THSD7A: variants seen among roughly 807,000 people sequenced by gnomAD.
The protein encoded by THSD7A is thrombospondin type 1 domain containing 7A, also known as thrombospondin type-1 domain-containing protein 7A.
THSD7A carries 96 observed loss-of-function variants against 231.3 expected under a neutral mutation model. The observed-to-expected ratio is 0.41, with a 90% CI of 0.35 to 0.49. THSD7A has a LOEUF of 0.49. Among genes scored for constraint, THSD7A ranks in the 20% least tolerant of loss-of-function variants. The probability of loss-of-function intolerance (pLI) is 0.05; values close to 1 mark genes in which losing one functional copy is unlikely to be tolerated. For missense variants in THSD7A, 2,290 were observed against 2,070.2 expected (o/e 1.11, Z -2.06); for synonymous variants, 940 against 743.3 (o/e 1.26, Z -4.30).
At chr7:11,599,090 G>A (rs1195965885) in intron 2 of THSD7A, among the ~76,000 whole-genome samples, 1 of 152,032 alleles carries the variant, frequency 6.6e-6, no homozygotes, top group East Asian at 1.9e-4. Flanking sequence ...CCTTAGTATT[G>A]TCACGCCCTG....
At chr7:11,428,799 CATGT>C (rs1036130644) in intron 14 of THSD7A, 144 bp downstream of exon 14, 6 of 817,000 alleles carry the variant, frequency 7.3e-6, no homozygotes, top group African/African-American at 7.0e-5. Context: ...ATTTTAATAA[CATGT>C]ATGTATTTAT....
chr7:11,647,905 T>A (rs1456624500), intron 1 of THSD7A, among the ~76,000 whole-genome samples: 1 of 152,042 alleles, frequency 6.6e-6, no homozygotes, highest in East Asian at 1.9e-4. Context: ...CAATGGCCAA[T>A]CTGAAGCAAG....
intron 1 of THSD7A, among the ~76,000 whole-genome samples, chr7:11,797,654 A>C (rs6979779): frequency 0.04 from 6,073 of 151,960 alleles, 417 homozygotes; most frequent in African/African-American, 0.14. Context: ...TCTGGCCTTA[A>C]GCAATCCTCC....
chr7:11,712,730 C>T (rs2128149356), intron 1 of THSD7A, among the ~76,000 whole-genome samples: 2 of 151,132 alleles, frequency 1.3e-5, no homozygotes, highest in South Asian at 4.2e-4. Flanking sequence ...AACATCAAAT[C>T]TCACCTTCAA....
chr7:11,587,373 G>A (rs73042287), intron 4 of THSD7A, among the ~76,000 whole-genome samples: 3,565 of 152,236 alleles, frequency 0.023, 59 homozygotes, highest in Non-Finnish European at 0.032. Context: ...TTTCTTCTAC[G>A]GAAATGATAT....
intron 1 of THSD7A, among the ~76,000 whole-genome samples, chr7:11,684,904 A>C (rs1341409821): frequency 6.6e-6 from 1 of 151,906 alleles, no homozygotes; most frequent in Non-Finnish European, 1.5e-5. Flanking sequence ...TAAAAAAGCC[A>C]AAACAACCAA....
intron 13 of THSD7A, among the ~76,000 whole-genome samples, chr7:11,443,863 C>G (rs1311271941): frequency 2.6e-5 from 4 of 151,942 alleles, no homozygotes; most frequent in Non-Finnish European, 5.9e-5. Context: ...TTGCATATCA[C>G]TAGACTTCAA....
chr7:11,638,976 C>T (rs1319957840), intron 1 of THSD7A, among the ~76,000 whole-genome samples: 1 of 152,106 alleles, frequency 6.6e-6, no homozygotes, highest in Non-Finnish European at 1.5e-5. Flanking sequence ...ATAAAATTTT[C>T]TAATTAATTC....
chr7:11,608,451 G>T (rs1780810071), intron 2 of THSD7A, among the ~76,000 whole-genome samples: 1 of 152,082 alleles, frequency 6.6e-6, no homozygotes, highest in Non-Finnish European at 1.5e-5. Context: ...GCAATTAAAG[G>T]ATAGAGGTTA....
At chr7:11,796,281 C>T (rs896103542) in intron 1 of THSD7A, among the ~76,000 whole-genome samples, 7 of 150,814 alleles carry the variant, frequency 4.6e-5, no homozygotes, top group African/African-American at 1.7e-4. Flanking sequence ...ACAAAATTTA[C>T]TGTTTTACCT....
intron 23 of THSD7A, among the ~76,000 whole-genome samples, chr7:11,390,952 G>C (rs1169396852): frequency 6.6e-6 from 1 of 152,236 alleles, no homozygotes; most frequent in Non-Finnish European, 1.5e-5. Flanking sequence ...ATTGCTGCCT[G>C]TTCCTTCCTC....
intron 1 of THSD7A, among the ~76,000 whole-genome samples, chr7:11,776,016 G>A (rs1015671185): frequency 2.6e-5 from 4 of 152,114 alleles, no homozygotes; most frequent in African/African-American, 9.7e-5. Context: ...AATGAGATTT[G>A]ATATTCTTTT....
At chr7:11,537,497 C>A (rs1394692732) in intron 6 of THSD7A, among the ~76,000 whole-genome samples, 1 of 152,074 alleles carries the variant, frequency 6.6e-6, no homozygotes, top group African/African-American at 2.4e-5. Flanking sequence ...TGTGTGGCAT[C>A]TCTCTCTTCT....
chr7:11,771,984 G>T (rs1446828649), intron 1 of THSD7A, among the ~76,000 whole-genome samples: 1 of 152,166 alleles, frequency 6.6e-6, no homozygotes, highest in Non-Finnish European at 1.5e-5. Flanking sequence ...AGTTTGCTGA[G>T]GCCTCTCAGA....
chr7:11,694,776 C>T (rs1464976652), intron 1 of THSD7A, among the ~76,000 whole-genome samples: 1 of 151,472 alleles, frequency 6.6e-6, no homozygotes, highest in Non-Finnish European at 1.5e-5. Flanking sequence ...CATTTTTAAC[C>T]TAAATGTAAT....
chr7:11,821,385 C>G, intron 1 of THSD7A: 1 of 442,748 alleles, frequency 2.3e-6, no homozygotes, highest in East Asian at 3.8e-5. Context: ...CTCCCTTGCC[C>G]TGATTTTAAA....
At chr7:11,476,510 A>ATGTTACTCAAGAT (rs1174764366) in intron 7 of THSD7A, among the ~76,000 whole-genome samples, 1 of 152,088 alleles carries the variant, frequency 6.6e-6, no homozygotes, top group East Asian at 1.9e-4. Context: ...AGATTATATA[A>ATGTTACTCAAGAT]TGTTACTCAA....
At chr7:11,647,980 G>A (rs77673791) in intron 1 of THSD7A, among the ~76,000 whole-genome samples, 1 of 152,168 alleles carries the variant, frequency 6.6e-6, no homozygotes, top group East Asian at 1.9e-4. Flanking sequence ...TGCCTCTAAT[G>A]CAGATGCTGC....
intron 1 of THSD7A, among the ~76,000 whole-genome samples, chr7:11,659,657 AT>A (rs1782851410): frequency 6.6e-6 from 1 of 151,250 alleles, no homozygotes. Flanking sequence ...TTATTTTTCT[AT>A]TTCCAGTGAT....
Sources: allele counts gnomAD v4.1 joint callset (sites outside exome capture counted in the v4.1 genomes callset), GRCh38; gene constraint gnomAD v4.1.1; transcripts MANE v1.5; gene names NCBI Gene and HGNC (gene_info 2026-07-23, HGNC 2026-07-21).